The following FCSK variants were observed in gnomAD, a reference collection of about 807,000 sequenced individuals.
FCSK encodes fucose kinase.
FCSK carries 123 observed loss-of-function variants against 122.5 expected under a neutral mutation model. The ratio of observed to expected loss-of-function variants is 1.00; its 90% confidence interval spans 0.87 to 1.17. The LOEUF (loss-of-function observed/expected upper bound fraction) is 1.17. Among genes scored for constraint, FCSK ranks in the 50% most tolerant of loss-of-function variants. The pLI is 0.00. For missense variants in FCSK, 1,366 were observed against 1,450.4 expected (o/e 0.94, Z 0.95); for synonymous variants, 620 against 625.5 (o/e 0.99, Z 0.13).
intron 10 of FCSK, among the ~76,000 whole-genome samples, chr16:70,469,808 C>T (rs927990395): frequency 3.3e-5 from 5 of 151,616 alleles, no homozygotes; most frequent in African/African-American, 1.2e-4. Context: ...GCTGGGCTTA[C>T]AGGCATGAGC....
At chr16:70,465,262 C>CTG (rs1178431261) in intron 4 of FCSK, 86 bp downstream of exon 4, 1 of 1,291,778 alleles carries the variant, frequency 7.7e-7, no homozygotes, top group Middle Eastern at 2.6e-4. Flanking sequence ...TGTTCTGCCA[C>CTG]TGTGTGTGTG....
intron 14 of FCSK, 122 bp downstream of exon 14, chr16:70,472,727 G>A: frequency 1.1e-6 from 1 of 880,442 alleles, no homozygotes; most frequent in Non-Finnish European, 1.7e-6. Flanking sequence ...AGGGGCCTGG[G>A]TGGTTTTGGG....
rs147369296 is a variant in FCSK, at chr16:70,476,293, G to A, written c.2641+526G>A. Reference sequence around the variant, plus strand: ...GCTGGGATTACAGGCGTGAGCCACCGCGCCCGGCCTGTGCTGTGCCTCTCA... The same window carrying A: ...GCTGGGATTACAGGCGTGAGCCACCACGCCCGGCCTGTGCTGTGCCTCTCA... On this transcript the variant is annotated intron_variant, in intron 20 of 23. Coordinates refer to ENST00000288078, the MANE Select transcript of FCSK (RefSeq NM_145059.3). 5.2e-5 allele frequency: 8 copies of A among 152,686 alleles called. No homozygotes were observed. The South Asian group carries it at 1.2e-3, about 24-fold the overall frequency. 9.5% of individuals were successfully genotyped at this position (152,686 alleles called of 1,614,324 possible).
chr16:70,461,434 T>C (rs2048259999), intron 1 of FCSK, among the ~76,000 whole-genome samples: 1 of 151,452 alleles, frequency 6.6e-6, no homozygotes, highest in Non-Finnish European at 1.5e-5. Flanking sequence ...TGGTTTTCCA[T>C]CTGGCAGGAG....
Position 70,466,118 on chromosome 16 carries a change from C to T in FCSK, c.286-14C>T, listed in dbSNP as rs748751239. ...TGTGCACTGAGGCTTCCTCACCAGT[C>T]CCCCGACTTCCAGGGTCGAGACTTC... On this transcript the variant is annotated splice_polypyrimidine_tract_variant and intron_variant, in intron 4 of 23. Transcript: ENST00000288078. The T allele has an allele frequency of 6.2e-7, 1 of 1,612,424 alleles. No homozygotes were observed. The highest frequency in any genetic ancestry group is 1.7e-5 in the Admixed American group (1 of 59,934).
intron 20 of FCSK, 178 bp downstream of exon 20, chr16:70,475,945 G>T: frequency 1.7e-6 from 1 of 601,162 alleles, no homozygotes; most frequent in Non-Finnish European, 2.6e-6. Flanking sequence ...AACCTGAAAT[G>T]TTCTACCTCC....
Position 70,465,111 on chromosome 16 carries a change from T to G in FCSK, c.235-15T>G, listed in dbSNP as rs774187850. ...GCCTGAGGCCTCTGTTCACAGGGCT[T>G]TCCCACTCCTGCAGGTGGTCACATC... On this transcript the variant is annotated splice_polypyrimidine_tract_variant and intron_variant, in intron 3 of 23. Coordinates refer to ENST00000288078, the MANE Select transcript of FCSK (RefSeq NM_145059.3). 1 of 1,613,626 alleles carries G rather than the reference T, an allele frequency of 6.2e-7. No homozygotes were observed. The highest frequency in any genetic ancestry group is 8.5e-7 in the Non-Finnish European group (1 of 1,179,858).
intron 1 of FCSK, among the ~76,000 whole-genome samples, chr16:70,460,332 C>T (rs1182691149): frequency 2.0e-5 from 3 of 151,266 alleles, no homozygotes; most frequent in Admixed American, 1.3e-4. Context: ...AGGATGGTCT[C>T]GATCTCCTGA....
chr16:70,474,381 G>C (rs1331840245), intron 16 of FCSK, 42 bp downstream of exon 16: 1 of 1,595,758 alleles, frequency 6.3e-7, no homozygotes, highest in South Asian at 1.1e-5. Flanking sequence ...TAAGCCCCTT[G>C]CTGTCTGGGA....
chr16:70,456,182 AAAC>A (rs891052894), intron 1 of FCSK, among the ~76,000 whole-genome samples: 8 of 152,244 alleles, frequency 5.3e-5, no homozygotes. Flanking sequence ...CTCAAAAACA[AAAC>A]AAAACAAAAC....
At chr16:70,468,158 A>C (rs1362492561) in intron 8 of FCSK, among the ~76,000 whole-genome samples, 192 bp downstream of exon 8, 1 of 152,176 alleles carries the variant, frequency 6.6e-6, no homozygotes, top group Non-Finnish European at 1.5e-5. Flanking sequence ...ACGGTGGCTA[A>C]CGCCTGTAAT....
At chr16:70,472,887 T>C in intron 14 of FCSK, 96 bp from the exon 15 acceptor site, 2 of 1,421,400 alleles carry the variant, frequency 1.4e-6, no homozygotes, top group South Asian at 1.4e-5. Context: ...CGGAGGAGTC[T>C]GTCCTGTCCC....
chr16:70,466,119 C>T lies in FCSK; in HGVS notation c.286-13C>T, dbSNP rs1297736962. On this transcript the variant is annotated splice_polypyrimidine_tract_variant and intron_variant, in intron 4 of 23. Coordinates refer to ENST00000288078, the MANE Select transcript of FCSK (RefSeq NM_145059.3). The stretch of plus-strand genomic sequence containing the variant: ...GTGCACTGAGGCTTCCTCACCAGTC[C>T]CCCGACTTCCAGGGTCGAGACTTCC... 6 of 1,612,754 alleles carry T rather than the reference C, an allele frequency of 3.7e-6. No homozygotes were observed. The African/African-American group carries it at 4.0e-5, about 11-fold the overall frequency.
At chr16:70,472,906 G>C in intron 14 of FCSK, 77 bp from the exon 15 acceptor site, 1 of 1,492,880 alleles carries the variant, frequency 6.7e-7, no homozygotes, top group South Asian at 1.3e-5. Context: ...CCCATGAACT[G>C]ACAGGCGGCT....
chr16:70,472,637 C>T, intron 14 of FCSK, 32 bp downstream of exon 14: 2 of 1,562,036 alleles, frequency 1.3e-6, no homozygotes, highest in Non-Finnish European at 1.8e-6. Context: ...CCTCTGTGGG[C>T]CTGGGCAGCT....
intron 1 of FCSK, among the ~76,000 whole-genome samples, chr16:70,458,965 TAAAA>T (rs971044673): frequency 7.3e-5 from 11 of 150,192 alleles, no homozygotes; most frequent in African/African-American, 1.7e-4. Context: ...AATAAATTAA[TAAAA>T]AAAAAGGCTG....
chr16:70,465,276 G>C, intron 4 of FCSK, 100 bp downstream of exon 4: 1 of 1,166,588 alleles, frequency 8.6e-7, no homozygotes, highest in Non-Finnish European at 1.2e-6. Flanking sequence ...GTGTGTGCAA[G>C]ATGAAATCTG....
At position 70,467,889 on chromosome 16, in the gene FCSK, C is replaced by A. The variant is rs1410942484; in HGVS notation, c.586C>A (p.Leu196Ile). 1 of 1,614,000 alleles carries A rather than the reference C, an allele frequency of 6.2e-7. No homozygotes were observed. Among genetic ancestry groups the A allele is most frequent in the East Asian group, 2.2e-5 (1 of 44,888 alleles). ...HGVYLTDPQG[L>I]VLDIYYQGTE... ...TTCTGTTTCTCCCTGCACATAGGGC[C>A]TTGTTTTGGACATTTACTACCAGGG... The change falls in exon 8 of 24, where the codon CTT (leucine) becomes ATT (isoleucine). Residue 196 changes from leucine to isoleucine, a missense_variant. Leu to Ile is a conservative substitution (Grantham distance 5). Coordinates refer to ENST00000288078, the MANE Select transcript of FCSK (RefSeq NM_145059.3).
chr16:70,470,922 C>A, intron 11 of FCSK, 49 bp from the exon 12 acceptor site: 1 of 1,485,700 alleles, frequency 6.7e-7, no homozygotes, highest in East Asian at 2.4e-5. Flanking sequence ...AGAGCTGGGG[C>A]AGCCCTGGGC....
Sources: allele counts gnomAD v4.1 joint callset (sites outside exome capture counted in the v4.1 genomes callset), GRCh38; gene constraint gnomAD v4.1.1; transcripts MANE v1.5; gene names NCBI Gene and HGNC (gene_info 2026-07-23, HGNC 2026-07-21).